Variants in SOX5 observed in about 807,000 individuals in gnomAD.
SOX5 encodes the protein SRY-box transcription factor 5.
Under a neutral mutation model 92.0 loss-of-function variants are expected in SOX5, and 9 were observed. That is an observed-to-expected ratio of 0.10 (90% CI 0.06 to 0.17). The LOEUF (loss-of-function observed/expected upper bound fraction) is 0.17, where lower values mean the gene tolerates loss of function less well. SOX5 is among the 10% of genes least tolerant of loss of function. The probability of loss-of-function intolerance (pLI) is 1.00; values close to 1 mark genes in which losing one functional copy is unlikely to be tolerated. For missense variants in SOX5, 642 were observed against 944.5 expected, an observed-to-expected ratio of 0.68 and a Z score of 4.20; for synonymous variants, 344 against 336.3, an observed-to-expected ratio of 1.02 and a Z score of -0.25.
At chr12:24,367,324 C>T (rs970039683) in intron 2 of SOX5, among the ~76,000 whole-genome samples, 4 of 152,112 alleles carry the variant, frequency 2.6e-5, no homozygotes, top group African/African-American at 9.7e-5. Flanking sequence ...CAAAGAAATG[C>T]CACGCTATTC....
chr12:23,818,179 G>T (rs2096034218), intron 3 of SOX5, among the ~76,000 whole-genome samples: 2 of 152,168 alleles, frequency 1.3e-5, no homozygotes, highest in South Asian at 4.1e-4. Flanking sequence ...TCTGAGAAAT[G>T]TGTTAGGTGA....
chr12:23,670,793 T>C (rs1387506309), intron 6 of SOX5, among the ~76,000 whole-genome samples: 1 of 92,044 alleles, frequency 1.1e-5, no homozygotes, highest in Non-Finnish European at 2.1e-5. Context: ...TTGTGAGAAA[T>C]GAAAGAGCAA....
At chr12:24,301,377 A>C (rs1476587193) in intron 2 of SOX5, among the ~76,000 whole-genome samples, 1 of 152,236 alleles carries the variant, frequency 6.6e-6, no homozygotes. Flanking sequence ...AACAATAACT[A>C]TGACTATATC....
chr12:24,245,135 T>G (rs1938382048), intron 3 of SOX5, among the ~76,000 whole-genome samples: 1 of 152,148 alleles, frequency 6.6e-6, no homozygotes, highest in Non-Finnish European at 1.5e-5. Context: ...AGTCACAATT[T>G]TATATGGCTT....
At chr12:24,108,535 A>T (rs1335336254) in intron 4 of SOX5, among the ~76,000 whole-genome samples, 2 of 152,136 alleles carry the variant, frequency 1.3e-5, no homozygotes, top group African/African-American at 4.8e-5. Context: ...TTTGTTCTAT[A>T]AGTATCTTTA....
intron 1 of SOX5, among the ~76,000 whole-genome samples, chr12:23,907,718 A>G (rs1208702622): frequency 1.3e-5 from 2 of 151,334 alleles, no homozygotes; most frequent in East Asian, 3.9e-4. Context: ...TCATTCATGG[A>G]TAACACTGGT....
chr12:24,294,013 G>C (rs1946908590), intron 2 of SOX5, among the ~76,000 whole-genome samples: 1 of 152,144 alleles, frequency 6.6e-6, no homozygotes, highest in Non-Finnish European at 1.5e-5. Context: ...TATTCTGACA[G>C]CCTTAAGTCC....
rs1259069371 is a variant in SOX5, at chr12:23,531,352, A to G, written c.*2867T>C. 1 of 152,196 alleles carries G rather than the reference A, an allele frequency of 6.6e-6. No individual in the cohort carries two copies. The highest frequency in any genetic ancestry group is 1.5e-5 in the Non-Finnish European group (1 of 68,026). 9.4% of individuals were successfully genotyped at this position (152,196 alleles called of 1,614,324 possible). A position where few individuals can be genotyped will look rare whatever the true frequency, so the allele number is the denominator to read the frequency against. ...TGTTTTCCCCTTCAAATAAAACAAA[A>G]TATAACAAAAAAAAGACCAAACACC... On this transcript the variant is annotated 3_prime_UTR_variant, in exon 15 of 15. Transcript: ENST00000451604.
intron 3 of SOX5, among the ~76,000 whole-genome samples, chr12:23,802,443 A>T (rs945369926): frequency 6.6e-6 from 1 of 152,082 alleles, no homozygotes; most frequent in Admixed American, 6.6e-5. Flanking sequence ...AAGTCTATGG[A>T]TATGCACAAT....
intron 4 of SOX5, among the ~76,000 whole-genome samples, chr12:24,207,490 T>A (rs1280695140): frequency 6.6e-6 from 1 of 152,180 alleles, no homozygotes; most frequent in Non-Finnish European, 1.5e-5. Flanking sequence ...CACAAACAAC[T>A]TTTGATACTT....
upstream of SOX5, chr12:23,950,994 CA>C: frequency 1.3e-6 from 1 of 790,184 alleles, no homozygotes; most frequent in Non-Finnish European, 2.1e-6. Context: ...CACACACACA[CA>C]CACACACACT....
chr12:24,271,805 C>T (rs542923643), intron 3 of SOX5, among the ~76,000 whole-genome samples: 140 of 152,272 alleles, frequency 9.2e-4, no homozygotes, highest in African/African-American at 3.1e-3. Context: ...TCTCTATTGT[C>T]TCTCATTTGC....
At chr12:24,510,359 C>G (rs1293020327) in intron 1 of SOX5, among the ~76,000 whole-genome samples, 1 of 152,226 alleles carries the variant, frequency 6.6e-6, no homozygotes, top group Non-Finnish European at 1.5e-5. Flanking sequence ...TTGCTTATGG[C>G]AGAGATTTTT....
chr12:24,149,890 G>A (rs539198423), intron 4 of SOX5, among the ~76,000 whole-genome samples: 1 of 151,996 alleles, frequency 6.6e-6, no homozygotes, highest in South Asian at 2.1e-4. Context: ...AAATAATTAT[G>A]GTGAGTAAAA....
chr12:24,094,434 T>G (rs1945065741), intron 4 of SOX5, among the ~76,000 whole-genome samples: 1 of 151,090 alleles, frequency 6.6e-6, no homozygotes, highest in Non-Finnish European at 1.5e-5. Context: ...GCTTTTCCAA[T>G]ACCTCTCCAC....
chr12:23,767,752 G>A (rs537454686), intron 3 of SOX5, among the ~76,000 whole-genome samples: 263 of 152,032 alleles, frequency 1.7e-3, no homozygotes, highest in Non-Finnish European at 2.8e-3. Flanking sequence ...GAAGGCAAGA[G>A]AAAGAGTATT....
intron 1 of SOX5, among the ~76,000 whole-genome samples, chr12:23,915,834 G>C (rs1307557875): frequency 6.6e-6 from 1 of 152,190 alleles, no homozygotes; most frequent in African/African-American, 2.4e-5. Flanking sequence ...CACATAAACA[G>C]TGGTTCCCTC....
intron 7 of SOX5, among the ~76,000 whole-genome samples, chr12:23,659,916 G>A (rs11047031): frequency 0.22 from 34,000 of 151,974 alleles, 3,830 homozygotes; most frequent in Admixed American, 0.25. Context: ...GCAGTGAGCC[G>A]AGATCATGCC....
chr12:24,003,887 T>A (rs1241946476), intron 4 of SOX5, among the ~76,000 whole-genome samples: 1 of 152,036 alleles, frequency 6.6e-6, no homozygotes, highest in Non-Finnish European at 1.5e-5. Flanking sequence ...CACTTTTTTA[T>A]TTCAAAGAAC....
Sources: gnomAD v4.1 joint callset for allele counts (sites outside exome capture counted in the v4.1 genomes callset) on GRCh38, gnomAD v4.1.1 for gene constraint, MANE v1.5 for transcripts, NCBI Gene and HGNC (gene_info 2026-07-23, HGNC 2026-07-21) for gene names.